HEATR1: variants seen among roughly 807,000 people sequenced by gnomAD.
HEATR1 encodes HEAT repeat-containing protein 1.
In HEATR1, 77 loss-of-function variants were observed where a neutral mutation model predicts 248.2. That is an observed-to-expected ratio of 0.31 (90% CI 0.26 to 0.37). The LOEUF (loss-of-function observed/expected upper bound fraction) is 0.37. HEATR1 is among the 10% of genes least tolerant of loss of function. HEATR1 has a pLI of 1.00. For synonymous variants in HEATR1, 897 were observed against 923.1 expected, an observed-to-expected ratio of 0.97 and a Z score of 0.51; for missense variants, 2,420 against 2,504.9, an observed-to-expected ratio of 0.97 and a Z score of 0.72.
Position 236,555,909 on chromosome 1 carries a change from G to C in HEATR1, c.5545C>G (p.Gln1849Glu). Reference sequence around the variant, plus strand: ...TTCTTCATCACCCCAATATGCTCTTGCAAGATGCTCATAAACGGACCCATG... The same window carrying C: ...TTCTTCATCACCCCAATATGCTCTTCCAAGATGCTCATAAACGGACCCATG... ...NHMGPFMSIL[Q>E]EHIGVMKKEE... Residue 1849 changes from glutamine (Q) to glutamate (E), a missense_variant, in exon 39 of 45, where the codon CAA becomes GAA. Physicochemically the swap from Gln to Glu is conservative, Grantham distance 29 (BLOSUM62 2). Coordinates refer to ENST00000366582, the MANE Select transcript of HEATR1 (RefSeq NM_018072.6). 6.2e-7 allele frequency: 1 copy of C among 1,613,614 alleles called. No individual in the cohort carries two copies. Among genetic ancestry groups the C allele is most frequent in the Non-Finnish European group, 8.5e-7 (1 of 1,179,508 alleles).
chr1:236,571,787 A>C, intron 26 of HEATR1, 101 bp from the exon 27 acceptor site: 1 of 741,468 alleles, frequency 1.3e-6, no homozygotes, highest in Non-Finnish European at 2.3e-6. Flanking sequence ...TAAGGAACTC[A>C]TTCAATAAGG....
chr1:236,567,500 C>G (rs1469677189), intron 29 of HEATR1, among the ~76,000 whole-genome samples: 1 of 152,186 alleles, frequency 6.6e-6, no homozygotes, highest in Non-Finnish European at 1.5e-5. Flanking sequence ...CACCTAAGGT[C>G]AGGAGTTCAA....
chr1:236,581,874 T>C (rs1324667242), intron 19 of HEATR1, among the ~76,000 whole-genome samples: 2 of 152,178 alleles, frequency 1.3e-5, no homozygotes, highest in Non-Finnish European at 2.9e-5. Context: ...CATTTTTAAA[T>C]GGTATTAACC....
intron 3 of HEATR1, chr1:236,602,945 A>G (rs530738892): frequency 5.4e-6 from 3 of 552,420 alleles, no homozygotes; most frequent in Admixed American, 3.1e-5. Context: ...ATGAGGTTAG[A>G]CCATTTACTC....
chr1:236,564,470 T>G (rs776759800), intron 32 of HEATR1, 28 bp downstream of exon 32: 1 of 1,603,710 alleles, frequency 6.2e-7, no homozygotes, highest in Non-Finnish European at 8.5e-7. Context: ...GAATACCTTT[T>G]TATAAACACA....
intron 21 of HEATR1, 104 bp from the exon 22 acceptor site, chr1:236,576,481 A>G: frequency 1.1e-6 from 1 of 878,450 alleles, no homozygotes; most frequent in Non-Finnish European, 1.7e-6. Flanking sequence ...GACATTGTTT[A>G]TAATTTTCCA....
At position 236,585,829 on chromosome 1, in the gene HEATR1, C is replaced by A. The variant is rs778787258; in HGVS notation, c.2040G>T (p.Met680Ile). The A allele has an allele frequency of 1.2e-6, 2 of 1,612,358 alleles. No homozygotes were observed. The highest frequency in any genetic ancestry group is 1.7e-6 in the Non-Finnish European group (2 of 1,178,756). ...TTCAAAGCATACTTACCATCTTTAA[C>A]ATTGAAGAAGGATCTCCTAAATTTA... Reference protein sequence around the residue: ...DNINLGDPSSMLKMVEDLISV... With the variant: ...DNINLGDPSSILKMVEDLISV... Residue 680 changes from methionine (M) to isoleucine (I), a missense_variant, in exon 16 of 45, where the codon ATG becomes ATT. Physicochemically the swap from Met to Ile is conservative, Grantham distance 10 (BLOSUM62 1). Coordinates refer to ENST00000366582, the MANE Select transcript of HEATR1 (RefSeq NM_018072.6).
Position 236,574,986 on chromosome 1 carries a change from T to A in HEATR1, c.3085-83A>T. On this transcript the variant is annotated intron_variant, in intron 22 of 44. Coordinates refer to ENST00000366582, the MANE Select transcript of HEATR1 (RefSeq NM_018072.6). ...CTCTACAGAGACACTCAAAGCCTGC[T>A]GGAAGATGGGAGTTTAGCCTGGAGG... 1.2e-5 allele frequency: 16 copies of A among 1,343,636 alleles called. No homozygotes were observed. In the South Asian group the frequency reaches 2.0e-4, roughly 17 times the overall value. The allele number at this position is 1,343,636 out of a possible 1,614,324, so 83.2% of individuals were successfully genotyped here.
chr1:236,554,644 A>G lies in HEATR1; in HGVS notation c.6032T>C (p.Ile2011Thr). Residue 2011 changes from isoleucine to threonine, a missense_variant, in exon 42 of 45, where the codon ATA (isoleucine) becomes ACA (threonine). Ile to Thr is a moderately conservative substitution (Grantham distance 89, BLOSUM62 -1). Coordinates refer to ENST00000366582, the MANE Select transcript of HEATR1 (RefSeq NM_018072.6). ...KIFLFDTQHF[I>T]SKERAEALMM... ...CAAGGCTTCTGCTCTCTCTTTACTT[A>G]TAAAATGCTGGGTATCAAAAAGGAA... 1 of 1,613,356 alleles carries G rather than the reference A, an allele frequency of 6.2e-7. No individual in the cohort carries two copies. Among genetic ancestry groups the G allele is most frequent in the Non-Finnish European group, 8.5e-7 (1 of 1,179,778 alleles).
At position 236,572,736 on chromosome 1, in the gene HEATR1, T is replaced by G; in HGVS notation, c.3552A>C (p.Lys1184Asn). 6.2e-7 allele frequency: 1 copy of G among 1,614,012 alleles called. No homozygotes were observed. Among genetic ancestry groups the G allele is most frequent in the Non-Finnish European group, 8.5e-7 (1 of 1,179,882 alleles). The change falls in exon 25 of 45, where the codon AAA becomes AAC. Residue 1184 changes from lysine (K) to asparagine (N), a missense_variant. Transcript: ENST00000366582. ...TTTGTAGCTCTTACTTCTGCTGCAT[T>G]TTTTGCCTTCTTTTTTGCTGAACTG... ...LGTVQQKRRQ[K>N]MQQKKSQDLE...
In HEATR1 at chr1:236,604,034, A is replaced by G. The variant is rs1470087571; in HGVS notation, c.62T>C (p.Leu21Ser). Reference sequence around the variant, plus strand: ...CAAAGAAGCAACTTCATCTCTAGATAAGAGGCTGGCATCACTTTGAGGGAG... The same window carrying G: ...CAAAGAAGCAACTTCATCTCTAGATGAGAGGCTGGCATCACTTTGAGGGAG... ...LALPQSDASL[L>S]SRDEVASLLF... Residue 21 changes from leucine to serine, a missense_variant, in exon 2 of 45, where the codon TTA (leucine) becomes TCA (serine). Coordinates refer to ENST00000366582, the MANE Select transcript of HEATR1 (RefSeq NM_018072.6). 7 of 1,593,650 alleles carry G rather than the reference A, an allele frequency of 4.4e-6. No homozygotes were observed. The highest frequency in any genetic ancestry group is 6.0e-6 in the Non-Finnish European group (7 of 1,172,574).
intron 44 of HEATR1, 152 bp from the exon 45 acceptor site, chr1:236,551,142 G>A (rs918931386): frequency 5.2e-5 from 32 of 610,008 alleles, no homozygotes; most frequent in African/African-American, 4.7e-4. Context: ...GAGGCGCCAC[G>A]GACCGCCTCC....
In HEATR1 at chr1:236,603,986, G is replaced by A. The variant is rs775703547; in HGVS notation, c.110C>T (p.Ala37Val). 2 of 1,599,118 alleles carry A rather than the reference G, an allele frequency of 1.3e-6. No homozygotes were observed. Among genetic ancestry groups the A allele is most frequent in the South Asian group, 2.3e-5 (2 of 87,956 alleles). Residue 37 changes from alanine to valine, a missense_variant, in exon 2 of 45, where the codon GCC becomes GTC. Physicochemically the swap from Ala to Val is moderately conservative, Grantham distance 64. Transcript: ENST00000366582. Reference sequence around the variant, plus strand: ...GAAGGCGGTGTCCCTGTCGATTGTGGCCGCTTCCTTAGGGTCAAATAACAA... The same window carrying A: ...GAAGGCGGTGTCCCTGTCGATTGTGACCGCTTCCTTAGGGTCAAATAACAA... Reference protein sequence around the residue: ...ASLLFDPKEAATIDRDTAFAI... With the variant: ...ASLLFDPKEAVTIDRDTAFAI...
chr1:236,591,157 TATG>T (rs1664025868), intron 11 of HEATR1, among the ~76,000 whole-genome samples: 1 of 152,226 alleles, frequency 6.6e-6, no homozygotes, highest in African/African-American at 2.4e-5. Flanking sequence ...TTGTTAATGG[TATG>T]ATTTCATGTA....
At chr1:236,573,830 A>G (rs946596780) in intron 24 of HEATR1, among the ~76,000 whole-genome samples, 1 of 152,140 alleles carries the variant, frequency 6.6e-6, no homozygotes, top group African/African-American at 2.4e-5. Context: ...ATTCCATTAT[A>G]TGTCATTAAA....
At chr1:236,556,047 T>C in intron 38 of HEATR1, 53 bp downstream of exon 38, 5 of 1,609,342 alleles carry the variant, frequency 3.1e-6, no homozygotes, top group African/African-American at 2.7e-5. Context: ...AGTTTACACA[T>C]TGCAGTACCA....
intron 20 of HEATR1, among the ~76,000 whole-genome samples, chr1:236,579,764 A>C (rs942138076): frequency 6.6e-6 from 1 of 152,196 alleles, no homozygotes; most frequent in Admixed American, 6.5e-5. Flanking sequence ...ATAAAACTTG[A>C]AATTACATAT....
chr1:236,562,025 A>G (rs931003422), intron 32 of HEATR1, among the ~76,000 whole-genome samples: 1 of 152,160 alleles, frequency 6.6e-6, no homozygotes, highest in Non-Finnish European at 1.5e-5. Flanking sequence ...GATCCTGCCA[A>G]TTGCTTTCTA....
At chr1:236,571,240 GA>G in intron 28 of HEATR1, 110 bp downstream of exon 28, 1 of 1,311,748 alleles carries the variant, frequency 7.6e-7, no homozygotes, top group South Asian at 1.6e-5. Flanking sequence ...ACCAGTGCTG[GA>G]AGATTCCAAA....
Sources: gnomAD v4.1 joint callset for allele counts (sites outside exome capture counted in the v4.1 genomes callset) on GRCh38, gnomAD v4.1.1 for gene constraint, MANE v1.5 for transcripts, NCBI Gene and HGNC (gene_info 2026-07-23, HGNC 2026-07-21) for gene names.